The following KANSL2 variants were observed in gnomAD, a reference collection of about 807,000 sequenced individuals.
The protein encoded by KANSL2 is KAT8 regulatory NSL complex subunit 2.
Under a neutral mutation model 55.6 loss-of-function variants are expected in KANSL2, and 34 were observed. The ratio of observed to expected loss-of-function variants is 0.61; its 90% CI spans 0.46 to 0.81. KANSL2 has a LOEUF of 0.81. KANSL2 is among the 40% of genes least tolerant of loss of function. The probability of loss-of-function intolerance (pLI) is 0.00; values close to 1 mark genes in which losing one functional copy is unlikely to be tolerated. For synonymous variants in KANSL2, 209 were observed against 214.3 expected (o/e 0.98, Z 0.22); for missense variants, 502 against 609.9 (o/e 0.82, Z 1.86).
At chr12:48,679,511 AAAC>A (rs1311779970) in intron 3 of KANSL2, 141 bp downstream of exon 3, 4 of 691,926 alleles carry the variant, frequency 5.8e-6, no homozygotes, top group East Asian at 2.7e-5. Context: ...AAGAACTGGT[AAAC>A]AACAAAGCAA....
At chr12:48,666,538 C>G (rs1400944834) in intron 7 of KANSL2, among the ~76,000 whole-genome samples, 1 of 151,600 alleles carries the variant, frequency 6.6e-6, no homozygotes, top group East Asian at 1.9e-4. Flanking sequence ...ACTAAAAATA[C>G]AAAAATTAGC....
In KANSL2 at chr12:48,669,228, G is replaced by C. The variant is rs959436646; in HGVS notation, c.754C>G (p.Arg252Gly). Residue 252 changes from arginine to glycine, a missense_variant, in exon 6 of 10, where the codon CGA becomes GGA. Coordinates refer to ENST00000420613, the MANE Select transcript of KANSL2 (RefSeq NM_017822.4). ...TGPEGLLAKE[R>G]ENLKRLKCLR... ...CATTTTAATCGCTTTAAGTTCTCTC[G>C]TTCTTTGGCCAAAAGTCCCTCTGGG... 14 of 1,572,572 alleles carry C rather than the reference G, an allele frequency of 8.9e-6. No homozygotes were observed. Among genetic ancestry groups the C allele is most frequent in the Non-Finnish European group, 1.1e-5 (13 of 1,157,986 alleles).
chr12:48,673,553 C>T lies in KANSL2; in HGVS notation c.546-1591G>A, dbSNP rs545249394. Among the ~76,000 whole-genome samples the T allele has an allele frequency of 2.8e-5, 4 of 140,844 alleles. No homozygotes were observed. The South Asian group carries it at 9.0e-4, about 32-fold the overall frequency. 92.4% of individuals were successfully genotyped at this position (140,844 alleles called of 152,430 possible). The stretch of plus-strand genomic sequence containing the variant: ...CCAGCCTGGGTGACAGAGCAAGACT[C>T]CATCTCAAAAAAAGAAAAAAAAAAA... On this transcript the variant is annotated intron_variant, in intron 4 of 9. Transcript: ENST00000420613.
chr12:48,670,596 T>C (rs1389212132), intron 5 of KANSL2, among the ~76,000 whole-genome samples: 1 of 152,224 alleles, frequency 6.6e-6, no homozygotes, highest in Non-Finnish European at 1.5e-5. Context: ...AAAAAAATTT[T>C]TGTACAGCTG....
chr12:48,665,030 C>T (rs960531456), intron 7 of KANSL2, among the ~76,000 whole-genome samples: 29 of 151,810 alleles, frequency 1.9e-4, no homozygotes, highest in African/African-American at 6.5e-4. Flanking sequence ...CCATCGTGAC[C>T]AGATAATTTT....
intron 4 of KANSL2, 28 bp downstream of exon 4, chr12:48,679,008 A>C (rs770447816): frequency 3.4e-6 from 5 of 1,489,684 alleles, no homozygotes; most frequent in Non-Finnish European, 3.7e-6. Flanking sequence ...ACTACATTTC[A>C]AATGCCTTAT....
intron 4 of KANSL2, among the ~76,000 whole-genome samples, chr12:48,672,349 A>T (rs1366311799): frequency 6.8e-6 from 1 of 148,026 alleles, no homozygotes; most frequent in Non-Finnish European, 1.5e-5. Context: ...TGTATCTTTC[A>T]CATATACATA....
intron 2 of KANSL2, among the ~76,000 whole-genome samples, chr12:48,680,434 CTCCTCCCGTG>C (rs1475812744): frequency 6.6e-6 from 1 of 152,090 alleles, no homozygotes; most frequent in Non-Finnish European, 1.5e-5. Context: ...TCAAGTGATC[CTCCTCCCGTG>C]GCCTCCCAAA....
At chr12:48,656,617 A>T in intron 8 of KANSL2, 1 of 386,456 alleles carries the variant, frequency 2.6e-6, no homozygotes. Flanking sequence ...CTGTAAAAAA[A>T]AAAAAAAAAA....
intron 5 of KANSL2, among the ~76,000 whole-genome samples, chr12:48,669,674 C>T (rs555762040): frequency 9.9e-5 from 15 of 152,020 alleles, no homozygotes; most frequent in African/African-American, 2.4e-4. Context: ...CCCGCCACCA[C>T]GCCCGGCTAA....
At chr12:48,681,996 C>T (rs1295377996) in intron 1 of KANSL2, 191 bp downstream of exon 1, 1 of 703,012 alleles carries the variant, frequency 1.4e-6, no homozygotes, top group South Asian at 1.5e-5. Context: ...CTGGGCCTGG[C>T]CTCGGAAGCC....
intron 2 of KANSL2, 80 bp downstream of exon 2, chr12:48,681,302 G>A: frequency 6.8e-7 from 1 of 1,476,780 alleles, no homozygotes; most frequent in Non-Finnish European, 9.1e-7. Flanking sequence ...TCTCAAACGC[G>A]GCAGCTATGC....
In KANSL2 at chr12:48,667,782, G is replaced by A; in HGVS notation, c.884C>T (p.Thr295Ile). 6.2e-7 allele frequency: 1 copy of A among 1,612,586 alleles called. No individual in the cohort carries two copies. The highest frequency in any genetic ancestry group is 8.5e-7 in the Non-Finnish European group (1 of 1,178,726). ...CAAGCACCTCTGACTGGAACGAGTG[G>A]TATGGGCCTGAAATGGAAAAAGACA... ...ATDGAAQQAH[T>I]TRSSQRCLAF... Residue 295 changes from threonine to isoleucine, a missense_variant, in exon 7 of 10, where the codon ACC becomes ATC. Transcript: ENST00000420613.
Position 48,671,977 on chromosome 12 carries a change from A to T in KANSL2, c.546-15T>A. The T allele has an allele frequency of 6.5e-7, 1 of 1,546,760 alleles. No individual in the cohort carries two copies. Among genetic ancestry groups the T allele is most frequent in the African/African-American group, 1.4e-5 (1 of 72,436 alleles). ...CACCAGCATGTCTGGAATAAAACAG[A>T]ATTCAGCAAAGCATAAGAAAACAAT... On this transcript the variant is annotated splice_polypyrimidine_tract_variant and intron_variant, in intron 4 of 9. Transcript: ENST00000420613.
Position 48,669,190 on chromosome 12 carries a change from G to A in KANSL2, c.792C>T (p.Tyr264=), listed in dbSNP as rs1363618847. The change falls in exon 6 of 10, where the codon TAC becomes TAT. Residue 264 remains tyrosine, a synonymous_variant. Coordinates refer to ENST00000420613, the MANE Select transcript of KANSL2 (RefSeq NM_017822.4). ...AGGCTTCCACTCCATAGCGCTGGCG[G>A]TATCGTCGCAGACATTTTAATCGCT... is the stretch of plus-strand genomic sequence containing the variant. ...NLKRLKCLRR[Y]RQRYGVEALL... The A allele has an allele frequency of 6.4e-7, 1 of 1,555,964 alleles. No individual in the cohort carries two copies. The highest frequency in any genetic ancestry group is 2.4e-5 in the East Asian group (1 of 41,516).
intron 4 of KANSL2, among the ~76,000 whole-genome samples, chr12:48,678,614 A>G (rs1277229053): frequency 2.0e-5 from 3 of 152,192 alleles, no homozygotes; most frequent in Admixed American, 6.5e-5. Context: ...ATATAACTTT[A>G]AAAAATTTAT....
rs1449179261 is a variant in KANSL2 at position 48,672,431 on chromosome 12, A to ATTTT, written c.546-470_546-469insAAAA. On this transcript the variant is annotated intron_variant, in intron 4 of 9. Transcript: ENST00000420613. ...TACGTATATATATATATATATATAT[A>ATTTT]TATTTTTTTTTTGAGATAAGGTCTC... Among the ~76,000 whole-genome samples the ATTTT allele has an allele frequency of 5.3e-3, 605 of 114,854 alleles. 9 individuals are homozygous for ATTTT. Among genetic ancestry groups the ATTTT allele is most frequent in the African/African-American group, 0.022 (567 of 25,862 alleles). The allele number at this position is 114,854 out of a possible 152,430, so 75.3% of individuals were successfully genotyped here.
chr12:48,665,335 C>T (rs1163071501), intron 7 of KANSL2, among the ~76,000 whole-genome samples: 1 of 152,142 alleles, frequency 6.6e-6, no homozygotes, highest in Admixed American at 6.5e-5. Flanking sequence ...GAGGCCAAGG[C>T]AGGCAGATCA....
In KANSL2 at chr12:48,654,182, A is replaced by G. The variant is rs764994556; in HGVS notation, c.1348-7T>C. On this transcript the variant is annotated splice_polypyrimidine_tract_variant and splice_region_variant and intron_variant, in intron 9 of 9. Transcript: ENST00000420613. ...CAGCCATCTGCATCTGGCCCTGTTA[A>G]AAGAAATAAAGGCACTTCAGTTAGT... The G allele has an allele frequency of 6.3e-6, 10 of 1,592,320 alleles. No individual in the cohort carries two copies. The East Asian group carries it at 2.2e-4, about 36-fold the overall frequency.
Sources: allele counts gnomAD v4.1 joint callset (sites outside exome capture counted in the v4.1 genomes callset), GRCh38; gene constraint gnomAD v4.1.1; transcripts MANE v1.5; gene names NCBI Gene and HGNC (gene_info 2026-07-23, HGNC 2026-07-21).